The following FBN1 variants were observed in gnomAD, a reference collection of about 807,000 sequenced individuals.
The protein encoded by FBN1 is fibrillin 1.
A neutral mutation model predicts 365.1 loss-of-function variants in FBN1; 29 were observed. The observed-to-expected ratio is 0.08, with a 90% CI of 0.06 to 0.11. FBN1 has a LOEUF of 0.11. Among genes scored for constraint, FBN1 ranks in the 10% least tolerant of loss-of-function variants. The pLI is 1.00. For synonymous variants in FBN1, 1,210 were observed against 1,270.5 expected (o/e 0.95, Z 1.01); for missense variants, 2,476 against 3,703.2 (o/e 0.67, Z 8.60).
chr15:48,455,303 T>C (rs1214953663), intron 44 of FBN1, among the ~76,000 whole-genome samples: 1 of 152,238 alleles, frequency 6.6e-6, no homozygotes, highest in Non-Finnish European at 1.5e-5. Flanking sequence ...CTCATGGATC[T>C]AGCAAGGTCT....
chr15:48,512,295 A>C (rs1369554922), intron 13 of FBN1, among the ~76,000 whole-genome samples: 2 of 152,230 alleles, frequency 1.3e-5, no homozygotes, highest in Non-Finnish European at 2.9e-5. Flanking sequence ...CAATTTTCTA[A>C]AGTGATATAA....
chr15:48,468,288 G>A, intron 37 of FBN1, 124 bp downstream of exon 37: 1 of 1,389,794 alleles, frequency 7.2e-7, no homozygotes, highest in Non-Finnish European at 1.0e-6. Context: ...ATCTAAAGTA[G>A]AGTTAGGAAA....
chr15:48,426,553 C>T (rs955265195), intron 58 of FBN1, among the ~76,000 whole-genome samples: 2 of 152,022 alleles, frequency 1.3e-5, no homozygotes, highest in African/African-American at 4.8e-5. Flanking sequence ...GCATTAAAAC[C>T]ACTGTCTTCC....
chr15:48,622,737 T>C (rs571647899), intron 2 of FBN1, among the ~76,000 whole-genome samples: 1 of 152,278 alleles, frequency 6.6e-6, no homozygotes, highest in South Asian at 2.1e-4. Context: ...TCAACTCTTA[T>C]CTTTACCTAT....
chr15:48,487,863 C>T (rs2043522150), intron 27 of FBN1, among the ~76,000 whole-genome samples: 1 of 152,182 alleles, frequency 6.6e-6, no homozygotes, highest in Non-Finnish European at 1.5e-5. Flanking sequence ...GTCCTCTCTT[C>T]CGCCTGGGTA....
Position 48,452,643 on chromosome 15 carries a change from C to T in FBN1, c.5464G>A (p.Ala1822Thr), listed in dbSNP as rs777539060. 1.5e-5 allele frequency: 25 copies of T among 1,614,024 alleles called. No homozygotes were observed. Among genetic ancestry groups the T allele is most frequent in the Non-Finnish European group, 1.9e-5 (22 of 1,180,004 alleles). Residue 1822 changes from alanine to threonine, a missense_variant, in exon 45 of 66, where the codon GCC becomes ACC. Coordinates refer to ENST00000316623, the MANE Select transcript of FBN1 (RefSeq NM_000138.5). Reference sequence around the variant, plus strand: ...CTGCCTGCAGTGTTGATGCATTCGGCGTTGCGCTGGCACACTGGGCCGTTC... The same window carrying T: ...CTGCCTGCAGTGTTGATGCATTCGGTGTTGCGCTGGCACACTGGGCCGTTC... ...CQNGPVCQRN[A>T]ECINTAGSYR...
rs776686839 is a variant in FBN1, at chr15:48,415,692, A to G, written c.7895T>C (p.Met2632Thr). 1.2e-6 allele frequency: 2 copies of G among 1,614,228 alleles called. No homozygotes were observed. Among genetic ancestry groups the G allele is most frequent in the Non-Finnish European group, 1.7e-6 (2 of 1,180,026 alleles). The change falls in exon 64 of 66, where the codon ATG becomes ACG. Residue 2632 changes from methionine to threonine, a missense_variant. This residue lies in a region of FBN1 where 1,780 missense variants were observed against 2,840.8 expected (regional missense o/e 0.63). Transcript: ENST00000316623. ...TTCATACTGGAAGCCGGCGGGACAC[A>G]TGCACTTGTAGCTCCCCAGGGTGTT... ...CHNTLGSYKC[M>T]CPAGFQYEQF...
In FBN1 at chr15:48,421,583, A is replaced by C; in HGVS notation, c.7674T>G (p.Leu2558=). 1 of 1,613,556 alleles carries C rather than the reference A, an allele frequency of 6.2e-7. No individual in the cohort carries two copies. The highest frequency in any genetic ancestry group is 8.5e-7 in the Non-Finnish European group (1 of 1,179,910). ...FTCECQRGFS[L]DQTGSSCEDV... The stretch of plus-strand genomic sequence containing the variant: ...CTTCACAGCTGGAGCCGGTCTGATC[A>C]AGTGAGAATCCCCGCTGGCATTCAC... The change falls in exon 62 of 66, where the codon CTT becomes CTG. Residue 2558 remains leucine, a synonymous_variant. Transcript: ENST00000316623.
chr15:48,478,035 CCA>C (rs2043435749), intron 32 of FBN1, among the ~76,000 whole-genome samples: 2 of 152,202 alleles, frequency 1.3e-5, no homozygotes, highest in Non-Finnish European at 2.9e-5. Context: ...GCTGTATCAC[CCA>C]CACAAACACC....
chr15:48,556,085 T>G (rs539324760), intron 6 of FBN1, among the ~76,000 whole-genome samples: 1 of 152,278 alleles, frequency 6.6e-6, no homozygotes, highest in South Asian at 2.1e-4. Context: ...CAGGGGAAAA[T>G]GCAACATCTA....
At chr15:48,417,372 C>A (rs1037364800) in intron 63 of FBN1, among the ~76,000 whole-genome samples, 3 of 150,946 alleles carry the variant, frequency 2.0e-5, no homozygotes, top group Non-Finnish European at 3.0e-5. Flanking sequence ...TTCCATGTCT[C>A]CTTCCCTCCT....
At chr15:48,444,768 A>G in intron 48 of FBN1, 108 bp from the exon 49 acceptor site, 1 of 1,221,732 alleles carries the variant, frequency 8.2e-7, no homozygotes. Context: ...CATAAAGCAA[A>G]TTAAAGTTCA....
intron 43 of FBN1, 112 bp downstream of exon 43, chr15:48,460,133 GA>G (rs1449696952): frequency 1.3e-6 from 1 of 761,704 alleles, no homozygotes; most frequent in Non-Finnish European, 2.4e-6. Flanking sequence ...TCAATAAAGT[GA>G]AAGGCATTGT....
chr15:48,603,557 G>A (rs2044583602), intron 4 of FBN1, among the ~76,000 whole-genome samples: 1 of 152,172 alleles, frequency 6.6e-6, no homozygotes, highest in Non-Finnish European at 1.5e-5. Context: ...TCCTGCCATT[G>A]ATGCATATTC....
chr15:48,512,310 C>G (rs1361688070), intron 13 of FBN1, among the ~76,000 whole-genome samples: 1 of 152,176 alleles, frequency 6.6e-6, no homozygotes, highest in Admixed American at 6.5e-5. Flanking sequence ...ATATAAACCT[C>G]GCTATCTTTT....
rs2043997716 is a variant in FBN1, at chr15:48,534,327, A to G, written c.737-122T>C. 3 of 1,017,634 alleles carry G rather than the reference A, an allele frequency of 2.9e-6. No homozygotes were observed. The African/African-American group carries it at 4.8e-5, about 16-fold the overall frequency. 63.0% of individuals were successfully genotyped at this position (1,017,634 alleles called of 1,614,324 possible). On this transcript the variant is annotated intron_variant, in intron 7 of 65. Coordinates refer to ENST00000316623, the MANE Select transcript of FBN1 (RefSeq NM_000138.5). ...ATTTATATCGGTGAGTTATTTGTCC[A>G]TCACAATATTTGGAATATGATTAGA... is the stretch of plus-strand genomic sequence containing the variant.
In FBN1 at chr15:48,644,694, C is replaced by G. The variant is rs146267697; in HGVS notation, c.76G>C (p.Asp26His). 37 of 1,614,082 alleles carry G rather than the reference C, an allele frequency of 2.3e-5. No individual in the cohort carries two copies. The African/African-American group carries it at 4.8e-4, about 21-fold the overall frequency. Reference sequence around the variant, plus strand: ...ACGTTCCCAGCCTCCAAATTGGCGTCCGCCCCATGGCTCGTGTAGGACGCT... The same window carrying G: ...ACGTTCCCAGCCTCCAAATTGGCGTGCGCCCCATGGCTCGTGTAGGACGCT... ...LLASYTSHGA[D>H]ANLEAGNVKE... The change falls in exon 2 of 66, where the codon GAC (aspartate) becomes CAC (histidine). Residue 26 changes from aspartate (D) to histidine (H), a missense_variant. Coordinates refer to ENST00000316623, the MANE Select transcript of FBN1 (RefSeq NM_000138.5).
chr15:48,447,620 C>T (rs559599078), intron 46 of FBN1, among the ~76,000 whole-genome samples: 2 of 152,146 alleles, frequency 1.3e-5, no homozygotes, highest in East Asian at 3.9e-4. Flanking sequence ...GTTGTTACTG[C>T]TGGTTTGAAA....
intron 2 of FBN1, among the ~76,000 whole-genome samples, chr15:48,635,502 T>C (rs1165866598): frequency 6.6e-6 from 1 of 152,216 alleles, no homozygotes; most frequent in African/African-American, 2.4e-5. Flanking sequence ...AACTGCAACC[T>C]ATTTTTACTT....
Sources: gnomAD v4.1 joint callset for allele counts (sites outside exome capture counted in the v4.1 genomes callset) on GRCh38, gnomAD v4.1.1 for gene constraint, gnomAD v4.1.1 regional missense constraint, MANE v1.5 for transcripts, NCBI Gene and HGNC (gene_info 2026-07-23, HGNC 2026-07-21) for gene names.